The following EBF2 variants were observed in gnomAD, a reference collection of about 807,000 sequenced individuals.
EBF2 encodes transcription factor COE2.
Under a neutral mutation model 72.8 loss-of-function variants are expected in EBF2, and 21 were observed. The observed-to-expected ratio is 0.29, with a 90% CI of 0.20 to 0.42. EBF2 has a LOEUF of 0.42. EBF2 is among the 10% of genes least tolerant of loss of function. The pLI, the probability that EBF2 is intolerant of heterozygous loss-of-function variation, is 1.00. For synonymous variants in EBF2, 299 were observed against 274.2 expected (o/e 1.09, Z -0.89); for missense variants, 637 against 731.2 (o/e 0.87, Z 1.49).
chr8:25,849,152 C>G (rs1215615577), intron 15 of EBF2, among the ~76,000 whole-genome samples: 1 of 152,182 alleles, frequency 6.6e-6, no homozygotes, highest in South Asian at 2.1e-4. Context: ...ACTACCCATA[C>G]ATTGGGTGGT....
chr8:25,886,822 T>C lies in EBF2; in HGVS notation c.942A>G (p.Val314=). The C allele has an allele frequency of 1.9e-6, 3 of 1,613,668 alleles. No homozygotes were observed. Among genetic ancestry groups the C allele is most frequent in the Non-Finnish European group, 2.5e-6 (3 of 1,179,736 alleles). Residue 314 remains valine (V), a synonymous_variant, in exon 10 of 16, where the codon GTA becomes GTG. Transcript: ENST00000520164. Reference sequence around the variant, plus strand: ...TAGATTTATAAGATAATGTCACCTCTACCACGCCTGGGATGTGCCGGGGAG... The same window carrying C: ...TAGATTTATAAGATAATGTCACCTCCACCACGCCTGGGATGTGCCGGGGAG... ...QTPPRHIPGV[V]EVTLSYKSKQ...
chr8:26,029,492 A>C (rs1267796727), intron 6 of EBF2, among the ~76,000 whole-genome samples: 1 of 152,166 alleles, frequency 6.6e-6, no homozygotes, highest in African/African-American at 2.4e-5. Context: ...CCCTGTGTTC[A>C]CCAAGGAAGA....
At chr8:25,932,922 A>G (rs1392531687) in intron 6 of EBF2, among the ~76,000 whole-genome samples, 2 of 152,182 alleles carry the variant, frequency 1.3e-5, no homozygotes, top group African/African-American at 2.4e-5. Flanking sequence ...TCCCAGACCA[A>G]TAACACATAA....
chr8:25,863,560 AG>A (rs1397151339), intron 10 of EBF2, among the ~76,000 whole-genome samples: 2 of 152,162 alleles, frequency 1.3e-5, no homozygotes, highest in Admixed American at 6.5e-5. Context: ...ATTCTTTAAA[AG>A]TTTCTTGTTT....
intron 6 of EBF2, among the ~76,000 whole-genome samples, chr8:25,953,746 G>A (rs1476298103): frequency 2.0e-5 from 3 of 152,150 alleles, no homozygotes; most frequent in Admixed American, 2.0e-4. Flanking sequence ...GTGCCTATTG[G>A]CTCCAAAGCC....
At chr8:25,936,876 T>A (rs1803587947) in intron 6 of EBF2, among the ~76,000 whole-genome samples, 1 of 152,246 alleles carries the variant, frequency 6.6e-6, no homozygotes, top group Non-Finnish European at 1.5e-5. Flanking sequence ...CTAAAGATTT[T>A]ATTCTAGAAT....
chr8:25,865,018 G>T (rs1802284253), intron 10 of EBF2, among the ~76,000 whole-genome samples: 1 of 151,996 alleles, frequency 6.6e-6, no homozygotes, highest in African/African-American at 2.4e-5. Flanking sequence ...GATCAGGTTG[G>T]TCCCGAACTC....
At chr8:25,863,443 G>T (rs979217878) in intron 10 of EBF2, among the ~76,000 whole-genome samples, 1 of 151,998 alleles carries the variant, frequency 6.6e-6, no homozygotes, top group Admixed American at 6.6e-5. Flanking sequence ...ATTATAAAAC[G>T]AGTGAGTGAA....
At chr8:26,004,207 C>T (rs1804789288) in intron 6 of EBF2, among the ~76,000 whole-genome samples, 1 of 151,852 alleles carries the variant, frequency 6.6e-6, no homozygotes, top group African/African-American at 2.4e-5. Context: ...ATCTTTTAAA[C>T]AATGGCTTTT....
chr8:25,911,636 G>T (rs1390615910), intron 6 of EBF2, among the ~76,000 whole-genome samples: 2 of 152,198 alleles, frequency 1.3e-5, no homozygotes, highest in African/African-American at 4.8e-5. Flanking sequence ...AATGGGATCT[G>T]TAGGGTTCTT....
At chr8:25,912,401 T>C (rs1028545389) in intron 6 of EBF2, among the ~76,000 whole-genome samples, 1 of 151,192 alleles carries the variant, frequency 6.6e-6, no homozygotes, top group African/African-American at 2.4e-5. Flanking sequence ...GTTTCCTTTG[T>C]AATATGTAAG....
chr8:25,908,023 C>T (rs763916405), intron 7 of EBF2, among the ~76,000 whole-genome samples: 9 of 152,228 alleles, frequency 5.9e-5, no homozygotes, highest in Non-Finnish European at 7.3e-5. Flanking sequence ...CTTAAAGTGA[C>T]CACGCTGCTT....
chr8:25,925,687 G>A (rs368420022), intron 6 of EBF2, among the ~76,000 whole-genome samples: 3 of 152,228 alleles, frequency 2.0e-5, no homozygotes, highest in East Asian at 3.9e-4. Flanking sequence ...CTGGGCAGCC[G>A]AGCCTCTGGA....
chr8:26,007,728 G>A (rs1367269263), intron 6 of EBF2, among the ~76,000 whole-genome samples: 1 of 151,816 alleles, frequency 6.6e-6, no homozygotes, highest in Non-Finnish European at 1.5e-5. Flanking sequence ...TGGATTCCCG[G>A]ATCAGACACA....
chr8:26,017,159 A>AC lies in EBF2; in HGVS notation c.551+15925_551+15926insG, dbSNP rs542444584. 3.8e-4 allele frequency among the ~76,000 whole-genome samples: 57 copies of AC among 151,974 alleles called. No homozygotes were observed. In the Middle Eastern group the frequency reaches 0.014, roughly 36 times the overall value. ...TGCCATGCAGTCCCCTTATTTAAAA[A>AC]AAAAAAAAAAGACTCAAAGGGAAAA... On this transcript the variant is annotated intron_variant, in intron 6 of 15. Coordinates refer to ENST00000520164, the MANE Select transcript of EBF2 (RefSeq NM_022659.4).
chr8:26,013,747 A>G (rs1374597599), intron 6 of EBF2, among the ~76,000 whole-genome samples: 1 of 152,196 alleles, frequency 6.6e-6, no homozygotes, highest in African/African-American at 2.4e-5. Context: ...GCTATCTTGT[A>G]TCACAGGTAA....
In EBF2 at chr8:26,040,595, G is replaced by A. The variant is rs1384893714; in HGVS notation, c.408+21C>T. 3.2e-6 allele frequency: 5 copies of A among 1,551,218 alleles called. No individual in the cohort carries two copies. In the Admixed American group the frequency reaches 5.9e-5, roughly 18 times the overall value. ...CGGGGTCAGAGACAGGCGAAGAGAA[G>A]CCAAGTGGCCTCCGGCTCACCTGCT... is the stretch of plus-strand genomic sequence containing the variant. On this transcript the variant is annotated intron_variant, in intron 4 of 15. Coordinates refer to ENST00000520164, the MANE Select transcript of EBF2 (RefSeq NM_022659.4).
At chr8:25,942,733 C>T (rs1280821991) in intron 6 of EBF2, among the ~76,000 whole-genome samples, 6 of 152,150 alleles carry the variant, frequency 3.9e-5, no homozygotes, top group Non-Finnish European at 1.5e-5. Flanking sequence ...TTGGAGTGGC[C>T]AAGGTGCAGA....
chr8:25,954,403 G>C (rs982072380), intron 6 of EBF2, among the ~76,000 whole-genome samples: 14 of 152,232 alleles, frequency 9.2e-5, no homozygotes, highest in Non-Finnish European at 1.3e-4. Flanking sequence ...CGCGCAGGGA[G>C]ATGAGCCCAT....
Sources: gnomAD v4.1 joint callset for allele counts (sites outside exome capture counted in the v4.1 genomes callset) on GRCh38, gnomAD v4.1.1 for gene constraint, MANE v1.5 for transcripts, NCBI Gene and HGNC (gene_info 2026-07-23, HGNC 2026-07-21) for gene names.